Variants in MRPL33 observed in about 807,000 individuals in gnomAD.
MRPL33 encodes the protein mitochondrial ribosomal protein L33, also known as large ribosomal subunit protein bL33m.
In MRPL33, 5 loss-of-function variants were observed where a neutral mutation model predicts 10.1. The ratio of observed to expected loss-of-function variants is 0.49; its 90% CI spans 0.26 to 1.04. The LOEUF (loss-of-function observed/expected upper bound fraction) is 1.04. Ranked by LOEUF, MRPL33 falls within the 50% of genes least tolerant of loss-of-function variation. The pLI is 0.14. For synonymous variants in MRPL33, 24 were observed against 27.7 expected (o/e 0.87, Z 0.42); for missense variants, 79 against 78.1 (o/e 1.01, Z -0.04).
intron 3 of MRPL33, among the ~76,000 whole-genome samples, chr2:27,776,985 T>C (rs146953053): frequency 5.1e-4 from 78 of 152,312 alleles, no homozygotes; most frequent in African/African-American, 1.7e-3. Flanking sequence ...AGCTGATAAA[T>C]GGTGGAGCCA....
chr2:27,775,759 A>G (rs1289918549), intron 3 of MRPL33, among the ~76,000 whole-genome samples: 1 of 152,220 alleles, frequency 6.6e-6, no homozygotes, highest in Non-Finnish European at 1.5e-5. Flanking sequence ...ATCCTTTAAC[A>G]GAAATAAAAT....
rs1243234195 is a variant in MRPL33 at position 27,771,817 on chromosome 2, C to G, written c.22+18C>G. Reference sequence around the variant, plus strand: ...GGTCTTCTGTAAGTGGGGCTGGAGACGCCGGTAGGGGTTACGGCGAGGGTT... The same window carrying G: ...GGTCTTCTGTAAGTGGGGCTGGAGAGGCCGGTAGGGGTTACGGCGAGGGTT... On this transcript the variant is annotated intron_variant, in intron 1 of 3. Coordinates refer to ENST00000296102, the MANE Select transcript of MRPL33 (RefSeq NM_004891.4). 5.6e-6 allele frequency: 9 copies of G among 1,612,820 alleles called. No individual in the cohort carries two copies. Among genetic ancestry groups the G allele is most frequent in the African/African-American group, 5.3e-5 (4 of 75,038 alleles).
rs377411371 is a variant in MRPL33, at chr2:27,779,563, A to C, written c.*81A>C. 7.5e-6 allele frequency: 12 copies of C among 1,594,702 alleles called. No individual in the cohort carries two copies. In the African/African-American group the frequency reaches 1.5e-4, roughly 20 times the overall value. ...TGATTCAGAAATCCTGTAGCGTGTA[A>C]TAAAAGAAGAGGAAATGGCATGGAA... On this transcript the variant is annotated 3_prime_UTR_variant, in exon 4 of 4. Coordinates refer to ENST00000296102, the MANE Select transcript of MRPL33 (RefSeq NM_004891.4).
At chr2:27,779,396 T>C in intron 3 of MRPL33, 37 bp from the exon 4 acceptor site, 1 of 1,579,852 alleles carries the variant, frequency 6.3e-7, no homozygotes, top group Non-Finnish European at 8.6e-7. Flanking sequence ...TGATACTTAA[T>C]AATTTTCTGC....
At chr2:27,771,989 G>C in intron 1 of MRPL33, 190 bp downstream of exon 1, 2 of 622,786 alleles carry the variant, frequency 3.2e-6, no homozygotes, top group Non-Finnish European at 5.5e-6. Context: ...GGACCTGTGG[G>C]TGCCTGAGAA....
chr2:27,779,114 A>G (rs188397740), intron 3 of MRPL33, among the ~76,000 whole-genome samples: 55 of 152,254 alleles, frequency 3.6e-4, no homozygotes, highest in Admixed American at 6.5e-4. Flanking sequence ...ACAAGAGTGG[A>G]CATTAATTGG....
At chr2:27,777,628 A>C (rs1677201575) in intron 3 of MRPL33, among the ~76,000 whole-genome samples, 1 of 152,118 alleles carries the variant, frequency 6.6e-6, no homozygotes, top group African/African-American at 2.4e-5. Flanking sequence ...TGATGTACTG[A>C]TGTATTAAAT....
At chr2:27,779,401 T>C (rs899031681) in intron 3 of MRPL33, 32 bp from the exon 4 acceptor site, 15 of 1,582,256 alleles carry the variant, frequency 9.5e-6, no homozygotes, top group Non-Finnish European at 1.3e-5. Context: ...CTTAATAATT[T>C]TCTGCCACAA....
intron 3 of MRPL33, 94 bp from the exon 4 acceptor site, chr2:27,779,339 A>C: frequency 1.5e-6 from 2 of 1,362,350 alleles, no homozygotes; most frequent in Non-Finnish European, 2.0e-6. Flanking sequence ...AAATAAGAGA[A>C]AGGTGAGGGC....
At position 27,779,664 on chromosome 2, in the gene MRPL33, G is replaced by A. The variant is rs1293613016; in HGVS notation, c.*182G>A. On this transcript the variant is annotated 3_prime_UTR_variant, in exon 4 of 4. Transcript: ENST00000296102. ...AAAGAAAGTTCTTCATATTAGGACA[G>A]ATATCATTGCATCACATTTATTTAT... 3.5e-6 allele frequency: 4 copies of A among 1,133,150 alleles called. No homozygotes were observed. Among genetic ancestry groups the A allele is most frequent in the Non-Finnish European group, 4.9e-6 (4 of 818,208 alleles). The allele number at this position is 1,133,150 out of a possible 1,614,324, so 70.2% of individuals were successfully genotyped here.
Position 27,771,739 on chromosome 2 carries a change from CT to C in MRPL33, c.-35del, listed in dbSNP as rs1677045237. On this transcript the variant is annotated 5_prime_UTR_variant, in exon 1 of 4. Coordinates refer to ENST00000296102, the MANE Select transcript of MRPL33 (RefSeq NM_004891.4). Reference sequence around the variant, plus strand: ...GAAGCAGTTGTTGTTGGTTGGGGGCCTTTTGGCCGGTGACGGAGACTGCCCA... The same window carrying C: ...GAAGCAGTTGTTGTTGGTTGGGGGCCTTTGGCCGGTGACGGAGACTGCCCA... 8.1e-6 allele frequency: 13 copies of C among 1,613,758 alleles called. No homozygotes were observed. The East Asian group carries it at 1.3e-4, about 17-fold the overall frequency.
chr2:27,775,030 A>G (rs998891968), intron 3 of MRPL33, among the ~76,000 whole-genome samples: 1 of 152,228 alleles, frequency 6.6e-6, no homozygotes, highest in African/African-American at 2.4e-5. Context: ...GGTTCCTGAT[A>G]GAAGTTAAAG....
intron 1 of MRPL33, 162 bp downstream of exon 1, chr2:27,771,961 C>G (rs1389479555): frequency 1.1e-5 from 8 of 752,252 alleles, no homozygotes; most frequent in African/African-American, 1.8e-5. Context: ...GCATGCCCCG[C>G]GGCGCGCCTC....
intron 3 of MRPL33, among the ~76,000 whole-genome samples, chr2:27,778,454 G>T (rs1304941542): frequency 2.6e-5 from 4 of 151,372 alleles, no homozygotes; most frequent in African/African-American, 4.9e-5. Flanking sequence ...TGTGTGTGTG[G>T]GTGTGTGGGT....
chr2:27,775,009 G>A (rs1677122747), intron 3 of MRPL33, among the ~76,000 whole-genome samples: 4 of 152,220 alleles, frequency 2.6e-5, no homozygotes, highest in Non-Finnish European at 4.4e-5. Flanking sequence ...GTTCGACAGT[G>A]GCTAGTATTT....
At position 27,771,792 on chromosome 2, in the gene MRPL33, G is replaced by A. The variant is rs753880170; in HGVS notation, c.15G>A (p.Ala5=). ...GTGTGGTCACCATGTTCCTCTCCGC[G>A]GTCTTCTGTAAGTGGGGCTGGAGAC... MFLS[A]VFFAKSKSKN... Residue 5 remains alanine (A), a synonymous_variant, in exon 1 of 4, where the codon GCG becomes GCA. Transcript: ENST00000296102. 2 of 1,614,000 alleles carry A rather than the reference G, an allele frequency of 1.2e-6. No individual in the cohort carries two copies.
Position 27,771,792 on chromosome 2 carries a change from G to C in MRPL33, c.15G>C (p.Ala5=), listed in dbSNP as rs753880170. The change falls in exon 1 of 4, where the codon GCG becomes GCC. Residue 5 remains alanine (A), a synonymous_variant. Coordinates refer to ENST00000296102, the MANE Select transcript of MRPL33 (RefSeq NM_004891.4). MFLS[A]VFFAKSKSKN... ...GTGTGGTCACCATGTTCCTCTCCGC[G>C]GTCTTCTGTAAGTGGGGCTGGAGAC... The C allele has an allele frequency of 1.9e-6, 3 of 1,614,000 alleles. No homozygotes were observed. The highest frequency in any genetic ancestry group is 1.7e-5 in the Admixed American group (1 of 60,016).
intron 3 of MRPL33, among the ~76,000 whole-genome samples, chr2:27,775,350 AT>A (rs67199907): frequency 0.012 from 1,448 of 122,962 alleles, 11 homozygotes; most frequent in African/African-American, 0.042. Context: ...TTTATAATTA[AT>A]TTTTTTTTTT....
intron 2 of MRPL33, among the ~76,000 whole-genome samples, chr2:27,774,054 A>G (rs2148172733): frequency 6.6e-6 from 1 of 152,332 alleles, no homozygotes; most frequent in East Asian, 1.9e-4. Context: ...GTTCTGAGAC[A>G]GCGATCTTTA....
Sources: allele counts gnomAD v4.1 joint callset (sites outside exome capture counted in the v4.1 genomes callset), GRCh38; gene constraint gnomAD v4.1.1; transcripts MANE v1.5; gene names NCBI Gene and HGNC (gene_info 2026-07-23, HGNC 2026-07-21).